Variants in IL18R1 observed in about 807,000 individuals in gnomAD.
IL18R1 encodes interleukin-18 receptor 1.
A neutral mutation model predicts 48.5 loss-of-function variants in IL18R1; 40 were observed. The ratio of observed to expected loss-of-function variants is 0.82; its 90% CI spans 0.64 to 1.07. The LOEUF (loss-of-function observed/expected upper bound fraction) is 1.07, where lower values mean the gene tolerates loss of function less well. IL18R1 is among the 50% of genes least tolerant of loss of function. The pLI, the probability that IL18R1 is intolerant of heterozygous loss-of-function variation, is 0.00. For missense variants in IL18R1, 596 were observed against 633.7 expected (o/e 0.94, Z 0.64); for synonymous variants, 232 against 225.9 (o/e 1.03, Z -0.24).
At chr2:102,395,792 G>A (rs897829151) in intron 10 of IL18R1, among the ~76,000 whole-genome samples, 4 of 152,214 alleles carry the variant, frequency 2.6e-5, no homozygotes, top group Admixed American at 6.5e-5. Flanking sequence ...TGAGAACAGT[G>A]AGAGGTCTAG....
chr2:102,381,512 A>T, intron 5 of IL18R1, 108 bp from the exon 6 acceptor site: 6 of 794,500 alleles, frequency 7.6e-6, no homozygotes, highest in African/African-American at 1.7e-5. Context: ...GTAAACCAGT[A>T]ACTATTGGAA....
intron 9 of IL18R1, 70 bp downstream of exon 9, chr2:102,390,287 C>A: frequency 7.4e-7 from 1 of 1,351,684 alleles, no homozygotes; most frequent in Non-Finnish European, 1.1e-6. Context: ...AGGCATTAAT[C>A]TTCATCTTAT....
chr2:102,360,397 G>A (rs776752245), intron 1 of IL18R1, among the ~76,000 whole-genome samples: 10 of 152,106 alleles, frequency 6.6e-5, no homozygotes, highest in Non-Finnish European at 1.3e-4. Context: ...CTTAGTAGCT[G>A]GGACTACAGG....
chr2:102,383,951 C>T (rs764653071), intron 6 of IL18R1, among the ~76,000 whole-genome samples: 2 of 152,012 alleles, frequency 1.3e-5, no homozygotes, highest in Non-Finnish European at 2.9e-5. Flanking sequence ...TATTAGCTGT[C>T]TTTTCTATTG....
chr2:102,372,171 C>T, intron 4 of IL18R1, 53 bp downstream of exon 4: 7 of 1,422,768 alleles, frequency 4.9e-6, no homozygotes, highest in Non-Finnish European at 6.7e-6. Context: ...AGATAAAATT[C>T]CCAAATGAGG....
At chr2:102,363,198 G>GTTT (rs58513522) in intron 2 of IL18R1, among the ~76,000 whole-genome samples, 1 of 148,142 alleles carries the variant, frequency 6.8e-6, no homozygotes. Context: ...ATTGCCTAGA[G>GTTT]TTTTTTTTTT....
At chr2:102,378,181 G>A (rs1338763699) in intron 5 of IL18R1, among the ~76,000 whole-genome samples, 3 of 152,190 alleles carry the variant, frequency 2.0e-5, no homozygotes, top group East Asian at 1.9e-4. Context: ...TATTAAAAGG[G>A]TGCTTGTTAT....
At chr2:102,385,189 C>A (rs1282678715) in intron 7 of IL18R1, among the ~76,000 whole-genome samples, 191 bp downstream of exon 7, 1 of 151,958 alleles carries the variant, frequency 6.6e-6, no homozygotes, top group African/African-American at 2.4e-5. Context: ...AAATGTATTG[C>A]CAAGATCTAA....
chr2:102,379,307 G>T (rs1055759879), intron 5 of IL18R1, among the ~76,000 whole-genome samples: 6 of 152,052 alleles, frequency 3.9e-5, no homozygotes, highest in Non-Finnish European at 5.9e-5. Flanking sequence ...AGCTGGGCTT[G>T]GTGGTGGGCA....
chr2:102,398,086 G>A lies in IL18R1; in HGVS notation c.*1200G>A, dbSNP rs2105142841. ...GGACTAATGGAAGCTACAGAGCAGG[G>A]AAGGGAAGCAGATCTAGGGAGGAAG... On this transcript the variant is annotated 3_prime_UTR_variant, in exon 11 of 11. Transcript: ENST00000233957. The A allele has an allele frequency of 6.6e-6, 1 of 152,478 alleles. No homozygotes were observed. Among genetic ancestry groups the A allele is most frequent in the South Asian group, 2.1e-4 (1 of 4,826 alleles). The allele number at this position is 152,478 out of a possible 1,614,324, so 9.4% of individuals were successfully genotyped here. A position where few individuals can be genotyped will look rare whatever the true frequency, so the allele number is the denominator to read the frequency against.
At chr2:102,388,351 C>T (rs1430134174) in intron 8 of IL18R1, among the ~76,000 whole-genome samples, 1 of 152,190 alleles carries the variant, frequency 6.6e-6, no homozygotes, top group Non-Finnish European at 1.5e-5. Flanking sequence ...AAGAAACTTG[C>T]CCAGGGTCAC....
At chr2:102,379,191 C>T (rs531422700) in intron 5 of IL18R1, among the ~76,000 whole-genome samples, 1 of 152,118 alleles carries the variant, frequency 6.6e-6, no homozygotes, top group Non-Finnish European at 1.5e-5. Flanking sequence ...TGCTGGTAAT[C>T]CTAGCACTTT....
intron 1 of IL18R1, among the ~76,000 whole-genome samples, chr2:102,359,705 T>C (rs1242561274): frequency 2.6e-5 from 4 of 152,228 alleles, no homozygotes; most frequent in African/African-American, 7.2e-5. Context: ...CTTGTGCTAT[T>C]GAGTGAGAGA....
intron 3 of IL18R1, among the ~76,000 whole-genome samples, chr2:102,368,929 G>A (rs1435853086): frequency 6.6e-6 from 1 of 152,120 alleles, no homozygotes; most frequent in Admixed American, 6.5e-5. Flanking sequence ...AGAGCAGAGT[G>A]AGCTACCACT....
At chr2:102,382,694 C>T (rs1364414369) in intron 6 of IL18R1, among the ~76,000 whole-genome samples, 1 of 152,164 alleles carries the variant, frequency 6.6e-6, no homozygotes. Flanking sequence ...GGGGACTTTG[C>T]TTCCAAAGTC....
In IL18R1 at chr2:102,376,046, A is replaced by G. The variant is rs1443035361; in HGVS notation, c.608A>G (p.Asn203Ser). ...CTATTTAATATCACCAAAACCTTCA[A>G]TATAACAATAGTGGAAGGTAAGGGA... Reference protein sequence around the residue: ...GKLFNITKTFNITIVEDRSNI... With the variant: ...GKLFNITKTFSITIVEDRSNI... Residue 203 changes from asparagine to serine, a missense_variant, in exon 5 of 11, where the codon AAT becomes AGT. Asn to Ser is a conservative substitution (Grantham distance 46). Around this residue, in one of 3 missense-constraint regions of IL18R1, gnomAD observed 360 missense variants for 339.4 expected, o/e 1.06. Transcript: ENST00000233957. 3 of 1,587,194 alleles carry G rather than the reference A, an allele frequency of 1.9e-6. No homozygotes were observed. Among genetic ancestry groups the G allele is most frequent in the Admixed American group, 1.9e-5 (1 of 52,420 alleles).
chr2:102,396,882 C>G lies in IL18R1; in HGVS notation c.1622C>G (p.Ser541Cys). ...EPEVLPVLSE[S>C] ...GAAGTCTTGCCTGTTCTTTCCGAGTCTTAATCTTCAGAAACAGTGAACGCC... is the reference window on the plus strand; with the variant it reads ...GAAGTCTTGCCTGTTCTTTCCGAGTGTTAATCTTCAGAAACAGTGAACGCC... Residue 541 changes from serine (S) to cysteine (C), a missense_variant, in exon 11 of 11, where the codon TCT becomes TGT. Around this residue, in one of 3 missense-constraint regions of IL18R1, gnomAD observed 179 missense variants for 206.1 expected, o/e 0.87. Transcript: ENST00000233957. The G allele has an allele frequency of 6.4e-7, 1 of 1,570,700 alleles. No individual in the cohort carries two copies. Among genetic ancestry groups the G allele is most frequent in the Non-Finnish European group, 8.6e-7 (1 of 1,161,940 alleles).
chr2:102,371,898 A>G (rs1679285517), intron 3 of IL18R1, 55 bp from the exon 4 acceptor site: 1 of 991,938 alleles, frequency 1.0e-6, no homozygotes, highest in East Asian at 2.6e-5. Context: ...AAGATGGGTG[A>G]TATTTGCAAA....
At chr2:102,381,169 C>G (rs1489384060) in intron 5 of IL18R1, among the ~76,000 whole-genome samples, 2 of 152,220 alleles carry the variant, frequency 1.3e-5, no homozygotes, top group Admixed American at 6.5e-5. Flanking sequence ...ACACTGCTCT[C>G]AGCATCCTGC....
Sources: allele counts gnomAD v4.1 joint callset (sites outside exome capture counted in the v4.1 genomes callset), GRCh38; gene constraint gnomAD v4.1.1; regional missense constraint gnomAD v4.1.1; transcripts MANE v1.5; gene names NCBI Gene and HGNC (gene_info 2026-07-23, HGNC 2026-07-21).